Variants in NTRK3 observed in about 807,000 individuals in gnomAD.
The protein encoded by NTRK3 is neurotrophic receptor tyrosine kinase 3.
A neutral mutation model predicts 91.7 loss-of-function variants in NTRK3; 24 were observed. That is an observed-to-expected ratio of 0.26 (90% CI 0.19 to 0.37). NTRK3 has a LOEUF of 0.37. Ranked by LOEUF, NTRK3 falls within the 10% of genes least tolerant of loss-of-function variation. NTRK3 has a pLI of 1.00. For missense variants in NTRK3, 880 were observed against 1,068.9 expected (o/e 0.82, Z 2.46); for synonymous variants, 483 against 404.0 (o/e 1.20, Z -2.34).
chr15:87,922,918 C>T (rs1426913159), intron 17 of NTRK3, among the ~76,000 whole-genome samples: 4 of 152,170 alleles, frequency 2.6e-5, no homozygotes, highest in Non-Finnish European at 4.4e-5. Flanking sequence ...TACTCTTCTG[C>T]TTTCCTGGAG....
exon 19 of NTRK3, chr15:87,874,694 G>A (rs188593378): frequency 1.7e-5 from 4 of 232,402 alleles, no homozygotes; most frequent in Non-Finnish European, 2.6e-5. Context: ...TCCCTCAGGC[G>A]CCTCCAGACC....
intron 3 of NTRK3, 82 bp from the exon 4 acceptor site, chr15:88,184,381 G>T: frequency 2.3e-6 from 3 of 1,288,238 alleles, no homozygotes; most frequent in Non-Finnish European, 3.3e-6. Flanking sequence ...ACCTGGCTTT[G>T]ATCCCCGATG....
At chr15:87,989,355 GACAT>G (rs1010569526) in intron 14 of NTRK3, among the ~76,000 whole-genome samples, 29 of 152,126 alleles carry the variant, frequency 1.9e-4, no homozygotes, top group Non-Finnish European at 3.7e-4. Context: ...CCTTTGCAGG[GACAT>G]GGATGAAGCT....
intron 13 of NTRK3, among the ~76,000 whole-genome samples, chr15:88,087,695 T>C (rs1000103063): frequency 2.6e-5 from 4 of 152,188 alleles, no homozygotes; most frequent in African/African-American, 9.6e-5. Flanking sequence ...TGTCACCATC[T>C]CGACAGTGGT....
chr15:87,959,490 G>A (rs758009503), intron 14 of NTRK3, among the ~76,000 whole-genome samples: 13 of 152,212 alleles, frequency 8.5e-5, no homozygotes, highest in Non-Finnish European at 1.3e-4. Flanking sequence ...CAAGGCAGGC[G>A]TGCTAGTTAT....
rs1454665380 is a variant in NTRK3 at position 88,190,056 on chromosome 15, T to C, written c.249-5757A>G. Among the ~76,000 whole-genome samples the C allele has an allele frequency of 2.6e-5, 4 of 152,166 alleles. No individual in the cohort carries two copies. In the East Asian group the frequency reaches 7.7e-4, roughly 29 times the overall value. On this transcript the variant is annotated intron_variant, in intron 3 of 18. Coordinates refer to ENST00000394480, the Ensembl canonical transcript of NTRK3. ...CAAGGCACCCTTTACCTGGCAGAAC[T>C]TCCCTGGGCACTTGGCAAGACAGGA...
chr15:87,861,500 G>A (rs945905463), exon 19 of NTRK3: 5 of 197,816 alleles, frequency 2.5e-5, no homozygotes, highest in Non-Finnish European at 4.2e-5. Context: ...TACAAGTTTT[G>A]TTCTGCTGTA....
chr15:88,147,522 TTCTTCTTC>T (rs2042998184), intron 5 of NTRK3, 119 bp from the exon 6 acceptor site: 3 of 363,324 alleles, frequency 8.3e-6, no homozygotes, highest in Non-Finnish European at 1.4e-5. Context: ...CTTCTTCTTC[TTCTTCTTC>T]TTCTTCTTCT....
At chr15:88,081,662 A>G (rs2048054014) in intron 13 of NTRK3, among the ~76,000 whole-genome samples, 2 of 152,152 alleles carry the variant, frequency 1.3e-5, no homozygotes, top group South Asian at 4.1e-4. Flanking sequence ...CTGAGCCCCC[A>G]GAATCCTCTT....
intron 3 of NTRK3, among the ~76,000 whole-genome samples, chr15:88,232,428 G>A (rs2051291054): frequency 6.6e-6 from 1 of 152,208 alleles, no homozygotes; most frequent in Non-Finnish European, 1.5e-5. Flanking sequence ...CTCAAATAAT[G>A]GAGGAAGTGA....
In NTRK3 at chr15:88,256,188, G is replaced by A. The variant is rs375301404; in HGVS notation, c.-15-20C>T. On this transcript the variant is annotated intron_variant, in intron 2 of 18. Coordinates refer to ENST00000394480, the Ensembl canonical transcript of NTRK3. ...CTGCTTCTAAAAAAGAGGAGGAGGA[G>A]AGGAGAGGGGGGTGGGGTGGGGGGA... 2.1e-5 allele frequency: 29 copies of A among 1,368,002 alleles called. No individual in the cohort carries two copies. The highest frequency in any genetic ancestry group is 2.3e-5 in the Non-Finnish European group (23 of 1,000,040). The allele number at this position is 1,368,002 out of a possible 1,614,324, so 84.7% of individuals were successfully genotyped here. A position where few individuals can be genotyped will look rare whatever the true frequency, so the allele number is the denominator to read the frequency against.
At chr15:87,955,282 A>G (rs1309988431) in intron 14 of NTRK3, among the ~76,000 whole-genome samples, 3 of 152,178 alleles carry the variant, frequency 2.0e-5, no homozygotes, top group Non-Finnish European at 4.4e-5. Context: ...TGCCCACCTG[A>G]AGCAGGAATT....
chr15:88,000,137 G>A (rs970885433), intron 14 of NTRK3, among the ~76,000 whole-genome samples: 13 of 152,230 alleles, frequency 8.5e-5, no homozygotes, highest in Admixed American at 2.6e-4. Flanking sequence ...AGGAGTGGAA[G>A]TCTGAGGATT....
intron 13 of NTRK3, among the ~76,000 whole-genome samples, chr15:88,043,007 T>C (rs976425405): frequency 3.3e-5 from 5 of 152,232 alleles, no homozygotes; most frequent in African/African-American, 1.2e-4. Flanking sequence ...TCTCTTGAAA[T>C]TCATTTGTAA....
At chr15:87,882,084 C>A (rs1485180050) in intron 17 of NTRK3, among the ~76,000 whole-genome samples, 1 of 151,922 alleles carries the variant, frequency 6.6e-6, no homozygotes, top group Non-Finnish European at 1.5e-5. Flanking sequence ...TCAGTAGAGA[C>A]GGGGTTTCAC....
intron 17 of NTRK3, among the ~76,000 whole-genome samples, chr15:87,900,446 T>C (rs1189450733): frequency 1.3e-5 from 2 of 152,236 alleles, no homozygotes; most frequent in East Asian, 1.9e-4. Context: ...TCATCTGGGT[T>C]CTTGTCCCAG....
chr15:88,058,586 CT>C (rs1370600334), intron 13 of NTRK3, among the ~76,000 whole-genome samples: 1 of 152,066 alleles, frequency 6.6e-6, no homozygotes, highest in Non-Finnish European at 1.5e-5. Context: ...CAAAGCACAC[CT>C]AGCACCACTA....
At position 88,094,471 on chromosome 15, in the gene NTRK3, G is replaced by A. The variant is rs1166202369; in HGVS notation, c.1396+31800C>T. Among the ~76,000 whole-genome samples, 7 of 91,012 alleles carry A rather than the reference G, an allele frequency of 7.7e-5. No homozygotes were observed. In the East Asian group the frequency reaches 1.0e-3, roughly 13 times the overall value. The allele number at this position is 91,012 out of a possible 152,430, so 59.7% of individuals were successfully genotyped here. A position where few individuals can be genotyped will look rare whatever the true frequency, so the allele number is the denominator to read the frequency against. Reference sequence around the variant, plus strand: ...CGACTGGGCGACAGAGCGAGACTCCGTCTCAAAAAAAAAAAAAAAAAAAAA... The same window carrying A: ...CGACTGGGCGACAGAGCGAGACTCCATCTCAAAAAAAAAAAAAAAAAAAAA... On this transcript the variant is annotated intron_variant, in intron 13 of 18. Transcript: ENST00000394480.
At chr15:87,916,700 G>A in intron 17 of NTRK3, 1 of 642,060 alleles carries the variant, frequency 1.6e-6, no homozygotes, top group Non-Finnish European at 2.8e-6. Flanking sequence ...TTATTCCACT[G>A]GTTTCCCACC....
Sources: allele counts gnomAD v4.1 joint callset (sites outside exome capture counted in the v4.1 genomes callset), GRCh38; gene constraint gnomAD v4.1.1; transcripts MANE v1.5; gene names NCBI Gene and HGNC (gene_info 2026-07-23, HGNC 2026-07-21).